The following ESPL1 variants were observed in gnomAD, a reference collection of about 807,000 sequenced individuals.
ESPL1 encodes the protein extra spindle pole bodies like 1, separase.
A neutral mutation model predicts 217.2 loss-of-function variants in ESPL1; 50 were observed. The observed-to-expected ratio is 0.23, with a 90% CI of 0.18 to 0.29. The LOEUF is 0.29. Among genes scored for constraint, ESPL1 ranks in the 10% least tolerant of loss-of-function variants. The pLI is 1.00. For missense variants in ESPL1, 1,834 were observed against 2,603.0 expected (o/e 0.70, Z 6.43); for synonymous variants, 994 against 1,081.3 (o/e 0.92, Z 1.58).
In ESPL1 at chr12:53,270,098, C is replaced by A; in HGVS notation, c.1143+13C>A. The A allele has an allele frequency of 6.3e-7, 1 of 1,589,048 alleles. No homozygotes were observed. Among genetic ancestry groups the A allele is most frequent in the Non-Finnish European group, 8.6e-7 (1 of 1,166,646 alleles). On this transcript the variant is annotated intron_variant, in intron 3 of 30. Coordinates refer to ENST00000257934, the MANE Select transcript of ESPL1 (RefSeq NM_012291.5). ...GCGGGATGATGGTGTGAGTTAAGGA[C>A]CTGGAGGTAGGGTGGGGACGTGGTC... is the stretch of plus-strand genomic sequence containing the variant.
In ESPL1 at chr12:53,270,407, GTCTTT is replaced by G; in HGVS notation, c.1178_1182del (p.Phe393SerfsTer16). The G allele has an allele frequency of 6.2e-7, 1 of 1,613,914 alleles. No individual in the cohort carries two copies. Among genetic ancestry groups the G allele is most frequent in the Non-Finnish European group, 8.5e-7 (1 of 1,179,824 alleles). ...ATGGGGGCTCCTCCAAGCAACAGCA[GTCTTT>G]TCTTCAGATGTACTTTCAGGGACTT... is the stretch of plus-strand genomic sequence containing the variant. On this transcript the variant is annotated frameshift_variant, in exon 4 of 31. Coordinates refer to ENST00000257934, the MANE Select transcript of ESPL1 (RefSeq NM_012291.5). LOFTEE classifies it high-confidence loss of function.
chr12:53,280,417 A>G (rs1356083485), intron 12 of ESPL1, among the ~76,000 whole-genome samples: 1 of 152,150 alleles, frequency 6.6e-6, no homozygotes, highest in Non-Finnish European at 1.5e-5. Context: ...AGAAGACATC[A>G]TTCTGTTTAT....
Position 53,275,029 on chromosome 12 carries a change from G to C in ESPL1, c.1700+19G>C. 1 of 1,501,302 alleles carries C rather than the reference G, an allele frequency of 6.7e-7. No individual in the cohort carries two copies. Among genetic ancestry groups the C allele is most frequent in the Middle Eastern group, 2.4e-4 (1 of 4,144 alleles). 93.0% of individuals were successfully genotyped at this position (1,501,302 alleles called of 1,614,324 possible). The stretch of plus-strand genomic sequence containing the variant: ...AGCTAAAGTGAGTTGAGGGCCAGAC[G>C]CAGTGGCTCATGCTTGTAATCCCAG... On this transcript the variant is annotated intron_variant, in intron 7 of 30. Transcript: ENST00000257934.
At chr12:53,274,483 A>C (rs1041457405) in intron 6 of ESPL1, 44 of 223,878 alleles carry the variant, frequency 2.0e-4, no homozygotes, top group African/African-American at 1.0e-3. Context: ...GACTGGCGGG[A>C]GGGAGAGCGA....
At chr12:53,279,640 T>TTGG (rs77269929) in intron 11 of ESPL1, 92 bp from the exon 12 acceptor site, 425,394 of 1,516,864 alleles carry the variant, frequency 0.28, 66,987 homozygotes, top group Non-Finnish European at 0.33. Context: ...GAGGTCAAAC[T>TTGG]ACAGTCCAAG....
chr12:53,282,444 A>T lies in ESPL1; in HGVS notation c.2791+9A>T. 1.9e-6 allele frequency: 3 copies of T among 1,613,534 alleles called. No individual in the cohort carries two copies. Among genetic ancestry groups the T allele is most frequent in the Non-Finnish European group, 2.5e-6 (3 of 1,179,526 alleles). On this transcript the variant is annotated intron_variant, in intron 14 of 30. Coordinates refer to ENST00000257934, the MANE Select transcript of ESPL1 (RefSeq NM_012291.5). The surrounding 1 kb of genome is among the most constrained non-coding windows in gnomAD (Gnocchi z 4.0). ...GCAGCTCTGTGCCCAAGGTGAAAGA[A>T]TAGGGTGGATGGCCCCCCTTGGATG...
chr12:53,271,007 T>G (rs6580943), intron 5 of ESPL1, among the ~76,000 whole-genome samples: 8,465 of 152,134 alleles, frequency 0.056, 449 homozygotes, highest in African/African-American at 0.14. Flanking sequence ...AGACACTATT[T>G]CCTCGACTGG....
intron 5 of ESPL1, among the ~76,000 whole-genome samples, chr12:53,271,296 C>G (rs111564842): frequency 2.0e-5 from 3 of 150,960 alleles, no homozygotes; most frequent in Non-Finnish European, 4.4e-5. Context: ...ACCTCAGCCC[C>G]GCAACGAGCT....
chr12:53,274,989 G>C lies in ESPL1; in HGVS notation c.1679G>C (p.Gly560Ala). Residue 560 changes from glycine (G) to alanine (A), a missense_variant, in exon 7 of 31, where the codon GGA (glycine) becomes GCA (alanine). Around this residue, in one of 5 missense-constraint regions of ESPL1, gnomAD observed 746 missense variants for 1,077.0 expected, o/e 0.69. Coordinates refer to ENST00000257934, the MANE Select transcript of ESPL1 (RefSeq NM_012291.5). ...GTCAAGATGGATGCGGCCAGGGCTG[G>C]AGACAAGGAGCTACAGCTAAAGTGA... ...VRVKMDAARA[G>A]DKELQLKTLR... 6.5e-7 allele frequency: 1 copy of C among 1,549,612 alleles called. No homozygotes were observed. The highest frequency in any genetic ancestry group is 8.7e-7 in the Non-Finnish European group (1 of 1,149,860).
At position 53,286,701 on chromosome 12, in the gene ESPL1, A is replaced by T; in HGVS notation, c.3965A>T (p.Lys1322Met). 1 of 1,614,134 alleles carries T rather than the reference A, an allele frequency of 6.2e-7. No homozygotes were observed. ...AAACGTTCTGGACGAGGGCGCCAAA[A>T]GTTAGCCTCTGCTCCCCTGCGCCTC... The part of the protein sequence containing the change: ...GQKRSGRGRQ[K>M]LASAPLRLNN... The change falls in exon 18 of 31, where the codon AAG (lysine) becomes ATG (methionine). Residue 1322 changes from lysine to methionine, a missense_variant. Physicochemically the swap from Lys to Met is moderately conservative, Grantham distance 95. This residue lies in a region of ESPL1 where 681 missense variants were observed against 808.0 expected (regional missense o/e 0.84). Transcript: ENST00000257934. This position sits in a 1 kb window ranked among gnomAD's most constrained non-coding sequence, Gnocchi z 5.3.
In ESPL1 at chr12:53,286,769, T is replaced by C; in HGVS notation, c.4033T>C (p.Cys1345Arg). Reference sequence around the variant, plus strand: ...AGGTCTGGAAGGTAGAGGACTGCCCTGCACACCTAAACCCCCAGACCGGAT... The same window carrying C: ...AGGTCTGGAAGGTAGAGGACTGCCCCGCACACCTAAACCCCCAGACCGGAT... ...QKGLEGRGLP[C>R]TPKPPDRIRQ... The change falls in exon 18 of 31, where the codon TGC becomes CGC. Residue 1345 changes from cysteine to arginine, a missense_variant. Cys to Arg is a radical substitution (Grantham distance 180). Around this residue, in one of 5 missense-constraint regions of ESPL1, gnomAD observed 681 missense variants for 808.0 expected, o/e 0.84. Transcript: ENST00000257934. This position sits in a 1 kb window ranked among gnomAD's most constrained non-coding sequence, Gnocchi z 5.3. 1 of 1,614,148 alleles carries C rather than the reference T, an allele frequency of 6.2e-7. No homozygotes were observed. The highest frequency in any genetic ancestry group is 2.2e-5 in the East Asian group (1 of 44,874).
intron 9 of ESPL1, 107 bp from the exon 10 acceptor site, chr12:53,277,363 C>A: frequency 6.7e-7 from 1 of 1,489,758 alleles, no homozygotes; most frequent in South Asian, 1.3e-5. Flanking sequence ...CCAGGCTGGT[C>A]TTGAACTCCT....
chr12:53,288,521 G>C lies in ESPL1; in HGVS notation c.4547-17G>C. On this transcript the variant is annotated splice_polypyrimidine_tract_variant and intron_variant, in intron 19 of 30. Transcript: ENST00000257934. ...AGGGGGAGGGAGCACTGTGAAAAAG[G>C]CCTGCTCTCTCCCCAGGTGGGAAGA... The C allele has an allele frequency of 2.5e-6, 4 of 1,601,844 alleles. No homozygotes were observed. Among genetic ancestry groups the C allele is most frequent in the Non-Finnish European group, 3.4e-6 (4 of 1,175,060 alleles).
Position 53,283,266 on chromosome 12 carries a change from G to A in ESPL1, c.2920+9G>A, listed in dbSNP as rs758453887. On this transcript the variant is annotated intron_variant, in intron 15 of 30. Transcript: ENST00000257934. ...ATCGTTTTTGGACTATGGTGAGTCTGGGGAGGACAGCAGGGCCCTCTTGGA... is the reference window on the plus strand; with the variant it reads ...ATCGTTTTTGGACTATGGTGAGTCTAGGGAGGACAGCAGGGCCCTCTTGGA... The A allele has an allele frequency of 4.7e-5, 76 of 1,614,130 alleles. No homozygotes were observed. Among genetic ancestry groups the A allele is most frequent in the Non-Finnish European group, 6.4e-5 (75 of 1,179,982 alleles).
intron 7 of ESPL1, among the ~76,000 whole-genome samples, chr12:53,275,361 T>C (rs1179238931): frequency 6.6e-6 from 1 of 152,022 alleles, no homozygotes; most frequent in Admixed American, 6.6e-5. Flanking sequence ...CTCGGGAGGC[T>C]GAGGCAGGAG....
chr12:53,279,140 C>A (rs926693492), intron 11 of ESPL1, among the ~76,000 whole-genome samples: 1 of 152,232 alleles, frequency 6.6e-6, no homozygotes, highest in Non-Finnish European at 1.5e-5. Flanking sequence ...ACCCGTCTGC[C>A]TCAGCCTTTC....
At position 53,269,059 on chromosome 12, in the gene ESPL1, C is replaced by T. The variant is rs768270715; in HGVS notation, c.117C>T (p.Ser39=). 3 of 1,613,204 alleles carry T rather than the reference C, an allele frequency of 1.9e-6. No homozygotes were observed. The highest frequency in any genetic ancestry group is 1.1e-5 in the South Asian group (1 of 90,972). Residue 39 remains serine (S), a synonymous_variant, in exon 3 of 31, where the codon AGC becomes AGT. Coordinates refer to ENST00000257934, the MANE Select transcript of ESPL1 (RefSeq NM_012291.5). This position sits in a 1 kb window ranked among gnomAD's most constrained non-coding sequence, Gnocchi z 6.7. ...FLSNPPAGFP[S]SRSDAERRQA... is the part of the protein sequence containing the mutation. ...CCAACCCTCCAGCTGGTTTTCCCAGCAGCCGATCTGATGCTGAGAGGAGAC... is the reference window on the plus strand; with the variant it reads ...CCAACCCTCCAGCTGGTTTTCCCAGTAGCCGATCTGATGCTGAGAGGAGAC...
chr12:53,275,592 T>C (rs75851863), intron 7 of ESPL1, among the ~76,000 whole-genome samples: 6,088 of 152,290 alleles, frequency 0.04, 152 homozygotes, highest in Middle Eastern at 0.085. Flanking sequence ...TAGTTATTCA[T>C]TGAGTGCCCA....
chr12:53,273,187 C>T (rs1465045985), intron 6 of ESPL1, among the ~76,000 whole-genome samples: 1 of 151,420 alleles, frequency 6.6e-6, no homozygotes. Flanking sequence ...TACAGGTGCC[C>T]ACCACCACGC....
Sources: gnomAD v4.1 joint callset for allele counts (sites outside exome capture counted in the v4.1 genomes callset) on GRCh38, gnomAD v4.1.1 for gene constraint, gnomAD v4.1.1 regional missense constraint, Gnocchi (gnomAD v3.1) non-coding constraint, MANE v1.5 for transcripts, NCBI Gene and HGNC (gene_info 2026-07-23, HGNC 2026-07-21) for gene names.